PCDHGA3: variants seen among roughly 807,000 people sequenced by gnomAD.
PCDHGA3 encodes protocadherin gamma subfamily A, 3, also known as protocadherin gamma-A3.
PCDHGA3 carries 40 observed loss-of-function variants against 58.5 expected under a neutral mutation model. The ratio of observed to expected loss-of-function variants is 0.68; its 90% CI spans 0.53 to 0.89. The LOEUF (loss-of-function observed/expected upper bound fraction) is 0.89. Ranked by LOEUF, PCDHGA3 falls within the 40% of genes least tolerant of loss-of-function variation. The pLI, the probability that PCDHGA3 is intolerant of heterozygous loss-of-function variation, is 0.00. For missense variants in PCDHGA3, 1,223 were observed against 1,195.9 expected, an observed-to-expected ratio of 1.02 and a Z score of -0.33; for synonymous variants, 530 against 525.7, an observed-to-expected ratio of 1.01 and a Z score of -0.11.
At chr5:141,420,359 A>G in intron 1 of PCDHGA3, 1 of 1,378,858 alleles carries the variant, frequency 7.3e-7, no homozygotes, top group Non-Finnish European at 9.6e-7. Flanking sequence ...TTAAGATTCT[A>G]GATAACTTCT....
chr5:141,362,094 A>T, intron 1 of PCDHGA3: 4 of 1,613,384 alleles, frequency 2.5e-6, no homozygotes, highest in Non-Finnish European at 3.4e-6. Flanking sequence ...GACAGCCGCC[A>T]CTCTCCGCTA....
At chr5:141,422,020 G>A (rs374562798) in intron 1 of PCDHGA3, 2 of 1,610,932 alleles carry the variant, frequency 1.2e-6, no homozygotes, top group Non-Finnish European at 1.7e-6. Flanking sequence ...GGTGCTGATG[G>A]TTAATGCAAC....
chr5:141,345,449 C>A lies in PCDHGA3; in HGVS notation c.1416C>A (p.Phe472Leu). 1 of 1,614,152 alleles carries A rather than the reference C, an allele frequency of 6.2e-7. No individual in the cohort carries two copies. The highest frequency in any genetic ancestry group is 1.3e-5 in the African/African-American group (1 of 75,020). The change falls in exon 1 of 4, where the codon TTC becomes TTA. Residue 472 changes from phenylalanine (F) to leucine (L), a missense_variant. By Grantham distance (22) the Phe-to-Leu change is conservative (BLOSUM62 0). Coordinates refer to ENST00000253812, the MANE Select transcript of PCDHGA3 (RefSeq NM_018916.4). Reference sequence around the variant, plus strand: ...ACAACCCCAGAGGAGCCTCCATCTTCTCAGTGACAGCCCAGGACCCAGATA... The same window carrying A: ...ACAACCCCAGAGGAGCCTCCATCTTATCAGTGACAGCCCAGGACCCAGATA... The part of the protein sequence containing the change: ...PENNPRGASI[F>L]SVTAQDPDSN...
intron 1 of PCDHGA3, chr5:141,362,287 T>C (rs1364587967): frequency 2.2e-5 from 36 of 1,613,948 alleles, no homozygotes; most frequent in Non-Finnish European, 3.0e-5. Context: ...CCTGCGACTC[T>C]CTTCCAGGTC....
In PCDHGA3 at chr5:141,460,961, A is replaced by ATATGTGTGTG. The variant is rs1463306338; in HGVS notation, c.2425-33845_2425-33844insATGTGTGTGT. On this transcript the variant is annotated intron_variant, in intron 1 of 3. Coordinates refer to ENST00000253812, the MANE Select transcript of PCDHGA3 (RefSeq NM_018916.4). ...ATATATATGTATTATGTATATATAT[A>ATATGTGTGTG]TGTGTGTGTGTGTGTGTGTGTGTAT... Among the ~76,000 whole-genome samples the ATATGTGTGTG allele has an allele frequency of 1.3e-3, 194 of 144,616 alleles. 1 individual carries two copies. The highest frequency in any genetic ancestry group is 4.7e-3 in the African/African-American group (182 of 38,716). 94.9% of individuals were successfully genotyped at this position (144,616 alleles called of 152,430 possible). A position where few individuals can be genotyped will look rare whatever the true frequency, so the allele number is the denominator to read the frequency against.
At position 141,351,965 on chromosome 5, in the gene PCDHGA3, G is replaced by A; in HGVS notation, c.2424+5508G>A. Reference sequence around the variant, plus strand: ...CCCCGCGCTGGGGCCTGATGGCTCCGCCCTCTTCGATATGGTGCCACGCGC... The same window carrying A: ...CCCCGCGCTGGGGCCTGATGGCTCCACCCTCTTCGATATGGTGCCACGCGC... On this transcript the variant is annotated intron_variant, in intron 1 of 3. Coordinates refer to ENST00000253812, the MANE Select transcript of PCDHGA3 (RefSeq NM_018916.4). 1 of 1,612,664 alleles carries A rather than the reference G, an allele frequency of 6.2e-7. No individual in the cohort carries two copies. The highest frequency in any genetic ancestry group is 8.5e-7 in the Non-Finnish European group (1 of 1,179,708).
At chr5:141,470,648 C>T (rs1188305813) in intron 1 of PCDHGA3, among the ~76,000 whole-genome samples, 1 of 152,066 alleles carries the variant, frequency 6.6e-6, no homozygotes, top group Non-Finnish European at 1.5e-5. Context: ...TTTGAAGGCC[C>T]CTACCCTTTG....
chr5:141,374,029 A>C (rs1460112886), intron 1 of PCDHGA3: 3 of 1,428,780 alleles, frequency 2.1e-6, no homozygotes. Flanking sequence ...AGCAAAAGTG[A>C]TGCAGATCTG....
At chr5:141,365,167 C>T (rs201444039) in intron 1 of PCDHGA3, 1 of 1,613,950 alleles carries the variant, frequency 6.2e-7, no homozygotes, top group Non-Finnish European at 8.5e-7. Flanking sequence ...AATTGACCTA[C>T]TCTTTTCGCA....
At chr5:141,389,462 C>G in intron 1 of PCDHGA3, 1 of 1,613,316 alleles carries the variant, frequency 6.2e-7, no homozygotes, top group East Asian at 2.2e-5. Flanking sequence ...TGCGCGCCTT[C>G]GAACTCACAC....
chr5:141,355,213 C>T (rs1416061639), intron 1 of PCDHGA3: 2 of 1,600,986 alleles, frequency 1.2e-6, no homozygotes, highest in Non-Finnish European at 1.7e-6. Flanking sequence ...GGCGGCGCCT[C>T]CTGCTCGCCC....
chr5:141,480,970 A>C (rs1189003084), intron 1 of PCDHGA3, among the ~76,000 whole-genome samples: 1 of 152,120 alleles, frequency 6.6e-6, no homozygotes, highest in Non-Finnish European at 1.5e-5. Flanking sequence ...AGTGAGGGAG[A>C]ATCAGTGAAC....
At chr5:141,448,654 A>G (rs966383140) in intron 1 of PCDHGA3, among the ~76,000 whole-genome samples, 1 of 152,048 alleles carries the variant, frequency 6.6e-6, no homozygotes, top group African/African-American at 2.4e-5. Context: ...AAATATTTCC[A>G]TATTGGCCGG....
chr5:141,357,187 G>C, intron 1 of PCDHGA3: 1 of 1,613,776 alleles, frequency 6.2e-7, no homozygotes, highest in South Asian at 1.1e-5. Flanking sequence ...ACTCACTGTG[G>C]CTGTGGCCGA....
chr5:141,345,838 C>T lies in PCDHGA3; in HGVS notation c.1805C>T (p.Ala602Val), dbSNP rs1239653079. 6.8e-6 allele frequency: 11 copies of T among 1,613,514 alleles called. No homozygotes were observed. Among genetic ancestry groups the T allele is most frequent in the South Asian group, 2.2e-5 (2 of 91,034 alleles). The change falls in exon 1 of 4, where the codon GCC (alanine) becomes GTC (valine). Residue 602 changes from alanine (A) to valine (V), a missense_variant. Ala to Val is a moderately conservative substitution (Grantham distance 64). Coordinates refer to ENST00000253812, the MANE Select transcript of PCDHGA3 (RefSeq NM_018916.4). The stretch of plus-strand genomic sequence containing the variant: ...GTGGACAGAGACTCGGGCCAGAACG[C>T]CTGGCTGTCCTACCGCCTGCTCAAG... ...VAVDRDSGQN[A>V]WLSYRLLKAS...
At chr5:141,356,117 G>T (rs1012623543) in intron 1 of PCDHGA3, 4 of 1,613,752 alleles carry the variant, frequency 2.5e-6, no homozygotes, top group Non-Finnish European at 3.4e-6. Context: ...ATATTGGGGG[G>T]TCTAGATTAT....
chr5:141,419,579 C>G (rs759041306), intron 1 of PCDHGA3: 11 of 1,611,812 alleles, frequency 6.8e-6, no homozygotes, highest in Non-Finnish European at 9.3e-6. Flanking sequence ...CGGCTCCGCG[C>G]TCTTCGACAC....
intron 1 of PCDHGA3, among the ~76,000 whole-genome samples, chr5:141,459,838 A>G (rs944807247): frequency 6.6e-6 from 1 of 152,098 alleles, no homozygotes; most frequent in Non-Finnish European, 1.5e-5. Flanking sequence ...TGTGTTGTCT[A>G]TTTGTATATC....
Position 141,376,232 on chromosome 5 carries a change from C to A in PCDHGA3, c.2424+29775C>A, listed in dbSNP as rs750982276. 6.7e-5 allele frequency: 108 copies of A among 1,614,106 alleles called. No homozygotes were observed. The highest frequency in any genetic ancestry group is 9.0e-5 in the Non-Finnish European group (106 of 1,180,056). ...CATCGTGCTGCTGGCGCTCAGACTG[C>A]AGCGCTGGCACAAGTCACGCCTGCT... is the stretch of plus-strand genomic sequence containing the variant. On this transcript the variant is annotated intron_variant, in intron 1 of 3. Coordinates refer to ENST00000253812, the MANE Select transcript of PCDHGA3 (RefSeq NM_018916.4).
Sources: gnomAD v4.1 joint callset for allele counts (sites outside exome capture counted in the v4.1 genomes callset) on GRCh38, gnomAD v4.1.1 for gene constraint, MANE v1.5 for transcripts, NCBI Gene and HGNC (gene_info 2026-07-23, HGNC 2026-07-21) for gene names.